The following EGF variants were observed in gnomAD, a reference collection of about 807,000 sequenced individuals.
EGF encodes epidermal growth factor.
In EGF, 95 loss-of-function variants were observed where a neutral mutation model predicts 143.8. The observed-to-expected ratio is 0.66, with a 90% CI of 0.56 to 0.78. EGF has a LOEUF of 0.78. EGF is among the 30% of genes least tolerant of loss of function. The pLI is 0.00. For missense variants in EGF, 1,320 were observed against 1,470.9 expected (o/e 0.90, Z 1.68); for synonymous variants, 510 against 510.5 (o/e 1.00, Z 0.01).
intron 15 of EGF, among the ~76,000 whole-genome samples, chr4:109,982,936 G>A (rs780557108): frequency 1.3e-5 from 2 of 152,120 alleles, no homozygotes; most frequent in Non-Finnish European, 2.9e-5. Flanking sequence ...TGGGCAGTGC[G>A]AGAATCTTAT....
rs375461228 is a variant in EGF at position 109,961,926 on chromosome 4, G to C, written c.1253G>C (p.Gly418Ala). The part of the protein sequence containing the change: ...CSHDCVLTSE[G>A]PLCFCPEGSV... ...CATGACTGTGTTCTGACATCAGAAG[G>C]TCCCTTATGTTTCTGTCCTGAAGGC... Residue 418 changes from glycine to alanine, a missense_variant, in exon 8 of 24, where the codon GGT becomes GCT. By Grantham distance (60) the Gly-to-Ala change is moderately conservative (BLOSUM62 0). This residue lies in a region of EGF where 1,186 missense variants were observed against 1,313.7 expected (regional missense o/e 0.90). Coordinates refer to ENST00000265171, the MANE Select transcript of EGF (RefSeq NM_001963.6). 1 of 1,613,812 alleles carries C rather than the reference G, an allele frequency of 6.2e-7. No homozygotes were observed. Among genetic ancestry groups the C allele is most frequent in the East Asian group, 2.2e-5 (1 of 44,890 alleles).
Position 109,917,417 on chromosome 4 carries a change from C to T in EGF, c.127+3955C>T, listed in dbSNP as rs541371829. Among the ~76,000 whole-genome samples, 4 of 152,186 alleles carry T rather than the reference C, an allele frequency of 2.6e-5. No individual in the cohort carries two copies. In the East Asian group the frequency reaches 7.7e-4, roughly 29 times the overall value. The stretch of plus-strand genomic sequence containing the variant: ...AAACCTTACTTTATAATTTACAAAT[C>T]TGCCTTTATGAAAATCCATTTCAAA... On this transcript the variant is annotated intron_variant, in intron 1 of 23. Coordinates refer to ENST00000265171, the MANE Select transcript of EGF (RefSeq NM_001963.6).
At position 109,935,970 on chromosome 4, in the gene EGF, T is replaced by C. The variant is rs187636315; in HGVS notation, c.128-4976T>C. On this transcript the variant is annotated intron_variant, in intron 1 of 23. Coordinates refer to ENST00000265171, the MANE Select transcript of EGF (RefSeq NM_001963.6). ...GCCAGTGTTTTATTGAGGATTTTCA[T>C]GTCAATGTTCATCAGGGATATTGGC... Among the ~76,000 whole-genome samples, 249 of 152,260 alleles carry C rather than the reference T, an allele frequency of 1.6e-3. 1 individual carries two copies. The highest frequency in any genetic ancestry group is 0.01 in the Middle Eastern group (3 of 294).
intron 11 of EGF, among the ~76,000 whole-genome samples, chr4:109,970,063 C>T (rs1747319299): frequency 6.6e-6 from 1 of 152,112 alleles, no homozygotes; most frequent in Non-Finnish European, 1.5e-5. Context: ...GAGAGATGCT[C>T]TTTGTTTCCC....
intron 22 of EGF, among the ~76,000 whole-genome samples, chr4:110,006,572 G>A (rs190351904): frequency 8.7e-4 from 133 of 152,322 alleles, no homozygotes; most frequent in South Asian, 7.7e-3. Context: ...GAGGCCTCAT[G>A]ACTTTGCGAA....
intron 1 of EGF, among the ~76,000 whole-genome samples, chr4:109,937,537 A>G (rs2190909): frequency 0.38 from 58,446 of 151,818 alleles, 11,605 homozygotes; most frequent in East Asian, 0.5. Flanking sequence ...GCCCATTTAC[A>G]TTTAAGGTTA....
At chr4:109,983,388 G>A in intron 15 of EGF, 34 bp from the exon 16 acceptor site, 1 of 1,609,856 alleles carries the variant, frequency 6.2e-7, no homozygotes, top group Non-Finnish European at 8.5e-7. Context: ...AAACAGAAAA[G>A]CTAAATTTAA....
chr4:110,006,432 C>T (rs1753310279), intron 22 of EGF, among the ~76,000 whole-genome samples: 1 of 152,212 alleles, frequency 6.6e-6, no homozygotes, highest in Admixed American at 6.5e-5. Context: ...CCTATGCAGA[C>T]TTCTGCTCCC....
intron 19 of EGF, among the ~76,000 whole-genome samples, chr4:109,994,298 G>A (rs928612734): frequency 1.8e-4 from 27 of 152,096 alleles, no homozygotes; most frequent in African/African-American, 6.3e-4. Flanking sequence ...AAAAATTTTC[G>A]AGACTCCAGG....
chr4:109,948,714 G>C (rs1743285936), intron 5 of EGF, among the ~76,000 whole-genome samples: 1 of 152,132 alleles, frequency 6.6e-6, no homozygotes, highest in Non-Finnish European at 1.5e-5. Flanking sequence ...TCAAACTCCT[G>C]AGCTCAAGCG....
intron 1 of EGF, among the ~76,000 whole-genome samples, chr4:109,933,344 T>G (rs1047624906): frequency 2.6e-5 from 4 of 152,218 alleles, no homozygotes; most frequent in African/African-American, 9.6e-5. Flanking sequence ...GTGAATTCTC[T>G]TAGACATTTA....
At chr4:109,960,610 A>T (rs1261708607) in intron 6 of EGF, among the ~76,000 whole-genome samples, 1 of 152,086 alleles carries the variant, frequency 6.6e-6, no homozygotes, top group South Asian at 2.1e-4. Context: ...GTGGCATTGC[A>T]CTCCAGCCTG....
chr4:109,943,256 A>T lies in EGF; in HGVS notation c.330A>T (p.Arg110Ser), dbSNP rs1310373204. The T allele has an allele frequency of 6.3e-7, 1 of 1,586,390 alleles. No homozygotes were observed. Among genetic ancestry groups the T allele is most frequent in the Admixed American group, 1.8e-5 (1 of 55,368 alleles). The change falls in exon 3 of 24, where the codon AGA becomes AGT. Residue 110 changes from arginine (R) to serine (S), a missense_variant and splice_region_variant. This residue lies in a region of EGF where 41 missense variants were observed against 38.1 expected (regional missense o/e 1.07). Transcript: ENST00000265171. ...RVFLNGSRQE[R>S]VCNIEKNVSG... ...AATTTTAAAATTTGATTTTGCAGAG[A>T]GTATGTAATATAGAGAAAAATGTTT...
At chr4:109,992,747 C>T (rs1321837639) in intron 18 of EGF, among the ~76,000 whole-genome samples, 1 of 151,984 alleles carries the variant, frequency 6.6e-6, no homozygotes, top group Non-Finnish European at 1.5e-5. Flanking sequence ...CACATATACA[C>T]CATGGAATAC....
Position 109,969,041 on chromosome 4 carries a change from T to C in EGF, c.1646T>C (p.Leu549Pro). The C allele has an allele frequency of 6.2e-7, 1 of 1,614,082 alleles. No homozygotes were observed. Among genetic ancestry groups the C allele is most frequent in the Non-Finnish European group, 8.5e-7 (1 of 1,180,000 alleles). The part of the protein sequence containing the change: ...ANMDGSQRER[L>P]IEEGVDVPEG... ...ATGGATGGTTCCCAGCGAGAAAGGC[T>C]TATTGAGGAAGGAGTAGATGTGCCA... The change falls in exon 11 of 24, where the codon CTT (leucine) becomes CCT (proline). Residue 549 changes from leucine (L) to proline (P), a missense_variant. Leu to Pro is a moderately conservative substitution (Grantham distance 98). Coordinates refer to ENST00000265171, the MANE Select transcript of EGF (RefSeq NM_001963.6).
rs1324562881 is a variant in EGF, at chr4:109,987,845, G to A, written c.2593G>A (p.Gly865Arg). The change falls in exon 17 of 24, where the codon GGA becomes AGA. Residue 865 changes from glycine (G) to arginine (R), a missense_variant. Physicochemically the swap from Gly to Arg is moderately radical, Grantham distance 125. Around this residue, in one of 5 missense-constraint regions of EGF, gnomAD observed 1,186 missense variants for 1,313.7 expected, o/e 0.90. Transcript: ENST00000265171. ...CQCLKGFAGD[G>R]KLCSDIDECE... ...GTGTTTGAAAGGATTTGCTGGGGATGGAAAACTATGTTCTGGTAAGAGAAA... is the reference window on the plus strand; with the variant it reads ...GTGTTTGAAAGGATTTGCTGGGGATAGAAAACTATGTTCTGGTAAGAGAAA... 1 of 1,613,452 alleles carries A rather than the reference G, an allele frequency of 6.2e-7. No individual in the cohort carries two copies. Among genetic ancestry groups the A allele is most frequent in the Non-Finnish European group, 8.5e-7 (1 of 1,179,498 alleles).
chr4:109,953,334 G>A (rs1012274544), intron 5 of EGF, among the ~76,000 whole-genome samples: 3 of 152,116 alleles, frequency 2.0e-5, no homozygotes, highest in African/African-American at 7.2e-5. Context: ...ATTGCCTGGA[G>A]CCATTTTTTA....
At chr4:109,917,431 A>G (rs564442092) in intron 1 of EGF, among the ~76,000 whole-genome samples, 1 of 152,250 alleles carries the variant, frequency 6.6e-6, no homozygotes, top group South Asian at 2.1e-4. Context: ...CTTTATGAAA[A>G]TCCATTTCAA....
At chr4:109,995,695 GC>G (rs1452740887) in intron 20 of EGF, among the ~76,000 whole-genome samples, 1 of 152,208 alleles carries the variant, frequency 6.6e-6, no homozygotes, top group Non-Finnish European at 1.5e-5. Context: ...CCAGGGTCAG[GC>G]TCCTGATCCA....
Sources: gnomAD v4.1 joint callset for allele counts (sites outside exome capture counted in the v4.1 genomes callset) on GRCh38, gnomAD v4.1.1 for gene constraint, gnomAD v4.1.1 regional missense constraint, MANE v1.5 for transcripts, NCBI Gene and HGNC (gene_info 2026-07-23, HGNC 2026-07-21) for gene names.